The following TMEM232 variants were observed in gnomAD, a reference collection of about 807,000 sequenced individuals.
The protein encoded by TMEM232 is transmembrane protein 232.
In TMEM232, 80 loss-of-function variants were observed where a neutral mutation model predicts 78.8. The observed-to-expected ratio is 1.01, with a 90% CI of 0.85 to 1.22. The LOEUF is 1.22. Among genes scored for constraint, TMEM232 ranks in the 50% most tolerant of loss-of-function variants. The probability of loss-of-function intolerance (pLI) is 0.00; values close to 1 mark genes in which losing one functional copy is unlikely to be tolerated. For synonymous variants in TMEM232, 297 were observed against 254.3 expected, an observed-to-expected ratio of 1.17 and a Z score of -1.60; for missense variants, 881 against 742.2, an observed-to-expected ratio of 1.19 and a Z score of -2.17.
intron 12 of TMEM232, among the ~76,000 whole-genome samples, chr5:110,442,007 A>AT (rs66890794): frequency 1 from 152,222 of 152,230 alleles, 76,107 homozygotes; most frequent in Middle Eastern, 1. Flanking sequence ...TTGGAGCTCC[A>AT]TGTATGTGGC....
chr5:110,629,099 A>G (rs1033222912), intron 5 of TMEM232, among the ~76,000 whole-genome samples: 4 of 152,088 alleles, frequency 2.6e-5, no homozygotes, highest in African/African-American at 9.6e-5. Context: ...GTTAAATGTG[A>G]AAAAAATATT....
At chr5:110,586,128 C>T (rs567457349) in intron 10 of TMEM232, among the ~76,000 whole-genome samples, 88 of 152,110 alleles carry the variant, frequency 5.8e-4, no homozygotes, top group Non-Finnish European at 9.0e-4. Flanking sequence ...GTTTAGAAAC[C>T]GCAGTAAAGG....
chr5:110,715,896 T>G (rs757287493), intron 1 of TMEM232, among the ~76,000 whole-genome samples: 26 of 152,184 alleles, frequency 1.7e-4, no homozygotes, highest in Non-Finnish European at 3.4e-4. Context: ...TGATAAAACT[T>G]TGGTCGCTAT....
At chr5:110,681,608 ATTGTTGGAC>A (rs1408639193) in intron 1 of TMEM232, among the ~76,000 whole-genome samples, 1 of 152,220 alleles carries the variant, frequency 6.6e-6, no homozygotes, top group Admixed American at 6.5e-5. Context: ...TGTGTTATTC[ATTGTTGGAC>A]CTAAATTCTC....
chr5:110,507,246 T>G (rs112665356), intron 12 of TMEM232, among the ~76,000 whole-genome samples: 1 of 152,176 alleles, frequency 6.6e-6, no homozygotes, highest in Non-Finnish European at 1.5e-5. Flanking sequence ...TCTTTTGATA[T>G]GCATGCACTT....
At chr5:110,519,056 A>C (rs1769104102) in intron 12 of TMEM232, among the ~76,000 whole-genome samples, 2 of 152,340 alleles carry the variant, frequency 1.3e-5, no homozygotes, top group South Asian at 4.1e-4. Flanking sequence ...ATACAGAAAC[A>C]GAAATAATTA....
At chr5:110,663,718 T>C (rs1790120426) in intron 2 of TMEM232, among the ~76,000 whole-genome samples, 1 of 151,186 alleles carries the variant, frequency 6.6e-6, no homozygotes, top group Admixed American at 6.6e-5. Flanking sequence ...TCTTATAGAC[T>C]GGGGAAGGAA....
chr5:110,476,225 G>A (rs1029330859), intron 12 of TMEM232, among the ~76,000 whole-genome samples: 15 of 151,826 alleles, frequency 9.9e-5, no homozygotes, highest in African/African-American at 2.7e-4. Flanking sequence ...CTGGAGATGG[G>A]GCTTTTAAAA....
At chr5:110,511,224 C>T (rs1018839816) in intron 12 of TMEM232, among the ~76,000 whole-genome samples, 8 of 152,010 alleles carry the variant, frequency 5.3e-5, no homozygotes, top group East Asian at 3.9e-4. Flanking sequence ...TGTTCTCACT[C>T]GTAAGTGGGA....
chr5:110,555,287 A>G (rs1193316298), intron 11 of TMEM232, among the ~76,000 whole-genome samples: 2 of 152,130 alleles, frequency 1.3e-5, no homozygotes, highest in Non-Finnish European at 2.9e-5. Context: ...ATCATTTAGG[A>G]GCAGGTTGCT....
At chr5:110,572,819 A>C (rs1446170248) in intron 10 of TMEM232, among the ~76,000 whole-genome samples, 1 of 152,084 alleles carries the variant, frequency 6.6e-6, no homozygotes, top group Admixed American at 6.6e-5. Flanking sequence ...AAGAAAAAAA[A>C]CCTTATAAAG....
intron 5 of TMEM232, among the ~76,000 whole-genome samples, chr5:110,636,053 T>C (rs1785779670): frequency 1.3e-5 from 2 of 152,026 alleles, no homozygotes; most frequent in African/African-American, 4.8e-5. Context: ...GAAAATGTGG[T>C]GTATATACAC....
Position 110,569,259 on chromosome 5 carries a change from ACC to A in TMEM232, c.1277-636_1277-635del, listed in dbSNP as rs1776667409. 2.6e-5 allele frequency among the ~76,000 whole-genome samples: 4 copies of A among 151,940 alleles called. No homozygotes were observed. The South Asian group carries it at 8.3e-4, about 31-fold the overall frequency. ...TAGCAATTAGCAATTTATATACATTACCAAGTTCCACTTTCAAAATATGTATT... is the reference window on the plus strand; with the variant it reads ...TAGCAATTAGCAATTTATATACATTAAAGTTCCACTTTCAAAATATGTATT... On this transcript the variant is annotated intron_variant, in intron 10 of 13. Coordinates refer to ENST00000455884, the MANE Select transcript of TMEM232 (RefSeq NM_001039763.4).
upstream of TMEM232, among the ~76,000 whole-genome samples, chr5:110,727,716 C>T (rs558990776): frequency 1.3e-5 from 2 of 152,172 alleles, no homozygotes; most frequent in South Asian, 2.1e-4. Flanking sequence ...TACTTCGATT[C>T]GGAATTAAGT....
chr5:110,657,369 A>G (rs980410363), intron 2 of TMEM232, among the ~76,000 whole-genome samples: 1 of 133,616 alleles, frequency 7.5e-6, no homozygotes, highest in Non-Finnish European at 1.6e-5. Flanking sequence ...CTAATGATGA[A>G]TGGATATCTA....
chr5:110,587,687 ATATATGTG>A (rs1167345578), intron 10 of TMEM232, among the ~76,000 whole-genome samples: 909 of 77,904 alleles, frequency 0.012, 6 homozygotes, highest in East Asian at 0.079. Flanking sequence ...ATATATATAT[ATATATGTG>A]TGTGTGTGTG....
chr5:110,389,105 G>A (rs2099061), intron 4 of TMEM232, among the ~76,000 whole-genome samples: 39,213 of 151,854 alleles, frequency 0.26, 8,563 homozygotes, highest in African/African-American at 0.59. Flanking sequence ...TACTAAAAGT[G>A]CAAAAATTAG....
upstream of TMEM232, among the ~76,000 whole-genome samples, chr5:110,729,030 G>A (rs200817728): frequency 5.3e-5 from 8 of 151,908 alleles, no homozygotes; most frequent in Admixed American, 2.0e-4. Context: ...GATTACAGGC[G>A]CCTGCCACCA....
At chr5:110,716,592 G>A (rs1797039685) in intron 1 of TMEM232, among the ~76,000 whole-genome samples, 17 of 152,094 alleles carry the variant, frequency 1.1e-4, no homozygotes, top group Admixed American at 8.5e-4. Context: ...TCTGACAGGA[G>A]GTAGAGCTCA....
Sources: allele counts gnomAD v4.1 joint callset (sites outside exome capture counted in the v4.1 genomes callset), GRCh38; gene constraint gnomAD v4.1.1; transcripts MANE v1.5; gene names NCBI Gene and HGNC (gene_info 2026-07-23, HGNC 2026-07-21).